The following VWC2 variants were observed in gnomAD, a reference collection of about 807,000 sequenced individuals.
VWC2 encodes brorin.
VWC2 carries 14 observed loss-of-function variants against 29.8 expected under a neutral mutation model. The observed-to-expected ratio is 0.47, with a 90% confidence interval of 0.31 to 0.74. The LOEUF (loss-of-function observed/expected upper bound fraction) is 0.74, where lower values mean the gene tolerates loss of function less well. Ranked by LOEUF, VWC2 falls within the 30% of genes least tolerant of loss-of-function variation. VWC2 has a pLI of 0.05. For missense variants in VWC2, 457 were observed against 459.8 expected (o/e 0.99, Z 0.05); for synonymous variants, 213 against 199.0 (o/e 1.07, Z -0.59).
Position 49,919,151 on chromosome 7 carries a change from C to G in VWC2, c.*6966C>G, listed in dbSNP as rs1793888545. 6.6e-6 allele frequency: 1 copy of G among 151,972 alleles called. No homozygotes were observed. Among genetic ancestry groups the G allele is most frequent in the African/African-American group, 2.4e-5 (1 of 41,356 alleles). 9.4% of individuals were successfully genotyped at this position (151,972 alleles called of 1,614,324 possible). ...ACAGTCAGGACTGGAATGGATAGCT[C>G]TACCTGCTTCCAAATATTCTTCCCT... is the stretch of plus-strand genomic sequence containing the variant. On this transcript the variant is annotated 3_prime_UTR_variant, in exon 4 of 4. Coordinates refer to ENST00000340652, the MANE Select transcript of VWC2 (RefSeq NM_198570.5).
intron 3 of VWC2, among the ~76,000 whole-genome samples, chr7:49,837,021 A>G (rs924113993): frequency 6.6e-6 from 1 of 152,200 alleles, no homozygotes; most frequent in East Asian, 1.9e-4. Context: ...TTAGTCTTTG[A>G]AGTTTAACTT....
At chr7:49,826,371 C>T (rs544441252) in intron 3 of VWC2, among the ~76,000 whole-genome samples, 64 of 152,224 alleles carry the variant, frequency 4.2e-4, no homozygotes, top group African/African-American at 1.4e-3. Flanking sequence ...CATCTTAGAG[C>T]ATTTTTTAAA....
intron 3 of VWC2, among the ~76,000 whole-genome samples, chr7:49,838,832 G>C (rs574590777): frequency 1.3e-5 from 2 of 152,190 alleles, no homozygotes; most frequent in South Asian, 2.1e-4. Flanking sequence ...TTACAAATCA[G>C]AAAACAAGGC....
At chr7:49,887,878 G>C (rs1791967523) in intron 3 of VWC2, among the ~76,000 whole-genome samples, 1 of 152,212 alleles carries the variant, frequency 6.6e-6, no homozygotes, top group Non-Finnish European at 1.5e-5. Context: ...CACCAGACTA[G>C]CTGCTGGTTT....
intron 3 of VWC2, among the ~76,000 whole-genome samples, chr7:49,807,440 G>A (rs1168455768): frequency 6.6e-6 from 1 of 152,192 alleles, no homozygotes; most frequent in Non-Finnish European, 1.5e-5. Flanking sequence ...AAGAAAGACT[G>A]ACAAATGGAA....
Position 49,914,835 on chromosome 7 carries a change from T to C in VWC2, c.*2650T>C, listed in dbSNP as rs1793632231. ...ATTTCAAAATAATATGGTTTGGAGA[T>C]AGCACAGAAAAGGGGGCCTCAGAAT... On this transcript the variant is annotated 3_prime_UTR_variant, in exon 4 of 4. Transcript: ENST00000340652. 1 of 152,140 alleles carries C rather than the reference T, an allele frequency of 6.6e-6. No homozygotes were observed. Among genetic ancestry groups the C allele is most frequent in the Non-Finnish European group, 1.5e-5 (1 of 68,016 alleles). 9.4% of individuals were successfully genotyped at this position (152,140 alleles called of 1,614,324 possible).
At chr7:49,831,615 G>A (rs1789529366) in intron 3 of VWC2, among the ~76,000 whole-genome samples, 1 of 152,172 alleles carries the variant, frequency 6.6e-6, no homozygotes, top group South Asian at 2.1e-4. Context: ...CAGACACTAA[G>A]GAAGCAACAA....
chr7:49,792,544 G>C (rs1277624332), intron 2 of VWC2, among the ~76,000 whole-genome samples: 2 of 152,334 alleles, frequency 1.3e-5, no homozygotes, highest in Non-Finnish European at 1.5e-5. Flanking sequence ...GAAGGAAAAA[G>C]GACTGGCTGG....
At chr7:49,865,636 T>A (rs1325681529) in intron 3 of VWC2, among the ~76,000 whole-genome samples, 1 of 152,216 alleles carries the variant, frequency 6.6e-6, no homozygotes, top group Non-Finnish European at 1.5e-5. Context: ...AGACTCTGTT[T>A]GTATATCACT....
intron 2 of VWC2, among the ~76,000 whole-genome samples, chr7:49,782,157 G>A (rs1334979125): frequency 1.3e-5 from 2 of 152,184 alleles, no homozygotes; most frequent in African/African-American, 4.8e-5. Context: ...TTCCCAGATG[G>A]CAGCCATCTG....
chr7:49,834,549 G>T (rs1296481807), intron 3 of VWC2, among the ~76,000 whole-genome samples: 1 of 152,216 alleles, frequency 6.6e-6, no homozygotes, highest in Admixed American at 6.5e-5. Flanking sequence ...ATTATCAGTA[G>T]AAAATAGGGT....
At chr7:49,862,786 G>T (rs769210329) in intron 3 of VWC2, among the ~76,000 whole-genome samples, 1 of 150,584 alleles carries the variant, frequency 6.6e-6, no homozygotes, top group African/African-American at 2.5e-5. Flanking sequence ...AATTTTTGTA[G>T]GTTGAATCAC....
chr7:49,782,589 A>G (rs890235183), intron 2 of VWC2, among the ~76,000 whole-genome samples: 1 of 151,924 alleles, frequency 6.6e-6, no homozygotes, highest in Non-Finnish European at 1.5e-5. Context: ...TCATCCCTGT[A>G]ATCCCAGCAC....
At chr7:49,885,791 A>C (rs1323535469) in intron 3 of VWC2, among the ~76,000 whole-genome samples, 4 of 152,220 alleles carry the variant, frequency 2.6e-5, no homozygotes, top group Non-Finnish European at 4.4e-5. Flanking sequence ...TGCGGCCTGG[A>C]CCACTAGCAC....
intron 3 of VWC2, among the ~76,000 whole-genome samples, chr7:49,861,030 G>C (rs971573685): frequency 6.6e-6 from 1 of 152,334 alleles, no homozygotes; most frequent in Non-Finnish European, 1.5e-5. Flanking sequence ...AACTAAGAAA[G>C]TAACTCTGTT....
At chr7:49,782,957 G>A (rs369645469) in intron 2 of VWC2, among the ~76,000 whole-genome samples, 1 of 152,192 alleles carries the variant, frequency 6.6e-6, no homozygotes, top group South Asian at 2.1e-4. Flanking sequence ...AACCTGTAAA[G>A]CTCTGAACAA....
chr7:49,882,653 C>T (rs1583748070), intron 3 of VWC2, among the ~76,000 whole-genome samples: 1 of 152,038 alleles, frequency 6.6e-6, no homozygotes, highest in African/African-American at 2.4e-5. Flanking sequence ...GTAAACACTA[C>T]GTCTCATCCC....
At chr7:49,882,020 A>C (rs1791685522) in intron 3 of VWC2, among the ~76,000 whole-genome samples, 1 of 152,122 alleles carries the variant, frequency 6.6e-6, no homozygotes, top group African/African-American at 2.4e-5. Context: ...CTTTTAGAGA[A>C]GCACCCAAGC....
Position 49,917,447 on chromosome 7 carries a change from C to A in VWC2, c.*5262C>A, listed in dbSNP as rs1793784726. 6.6e-6 allele frequency: 1 copy of A among 152,120 alleles called. No individual in the cohort carries two copies. The highest frequency in any genetic ancestry group is 1.5e-5 in the Non-Finnish European group (1 of 68,006). The allele number at this position is 152,120 out of a possible 1,614,324, so 9.4% of individuals were successfully genotyped here. On this transcript the variant is annotated 3_prime_UTR_variant, in exon 4 of 4. Transcript: ENST00000340652. ...GTGCTCTCAGTGCTTGGCCCATGAGCAGTTTATGATTTAAGACGTGCATAC... is the reference window on the plus strand; with the variant it reads ...GTGCTCTCAGTGCTTGGCCCATGAGAAGTTTATGATTTAAGACGTGCATAC...
Sources: allele counts gnomAD v4.1 joint callset (sites outside exome capture counted in the v4.1 genomes callset), GRCh38; gene constraint gnomAD v4.1.1; transcripts MANE v1.5; gene names NCBI Gene and HGNC (gene_info 2026-07-23, HGNC 2026-07-21).